HYCC2: variants seen among roughly 807,000 people sequenced by gnomAD.
The protein encoded by HYCC2 is hyccin PI4KA lipid kinase complex subunit 2.
At chr2:200,986,941 C>T in the HYCC2 span, among the ~76,000 whole-genome samples, 1 of 152,156 alleles carries the variant, frequency 6.6e-6, no homozygotes, top group Non-Finnish European at 1.5e-5. Flanking sequence ...AAACTCTCTT[C>T]ACAAAATTTT....
chr2:200,986,495 A>T, the HYCC2 span, among the ~76,000 whole-genome samples: 3 of 152,224 alleles, frequency 2.0e-5, no homozygotes, highest in Non-Finnish European at 4.4e-5. Context: ...CAAAGCTAAA[A>T]ATTCCTACGG....
chr2:201,042,607 C>A, the HYCC2 span, among the ~76,000 whole-genome samples: 1 of 151,522 alleles, frequency 6.6e-6, no homozygotes, highest in South Asian at 2.1e-4. Context: ...CGCCCAGCAG[C>A]CGCCCCGTCT....
At chr2:201,007,687 C>T in the HYCC2 span, among the ~76,000 whole-genome samples, 1 of 152,296 alleles carries the variant, frequency 6.6e-6, no homozygotes. Flanking sequence ...CCACATCTGA[C>T]TTTCTTAGGT....
chr2:201,061,869 G>A, the HYCC2 span, among the ~76,000 whole-genome samples: 1 of 152,084 alleles, frequency 6.6e-6, no homozygotes, highest in Admixed American at 6.6e-5. Flanking sequence ...ACTTTGGGAG[G>A]CCAAGGCAGG....
chr2:201,042,913 C>G, the HYCC2 span, among the ~76,000 whole-genome samples: 1 of 151,618 alleles, frequency 6.6e-6, no homozygotes, highest in Non-Finnish European at 1.5e-5. Flanking sequence ...TCTGCCCGGC[C>G]GCCACCCCGT....
At chr2:201,070,527 C>T in the HYCC2 span, among the ~76,000 whole-genome samples, 2 of 152,096 alleles carry the variant, frequency 1.3e-5, no homozygotes, top group African/African-American at 4.8e-5. Flanking sequence ...TGGCGCATGC[C>T]TGTAATCCCA....
the HYCC2 span, among the ~76,000 whole-genome samples, chr2:201,060,492 A>T: frequency 6.6e-6 from 1 of 152,196 alleles, no homozygotes; most frequent in African/African-American, 2.4e-5. Context: ...TCTGCCTAGA[A>T]CATAAATGTG....
At chr2:201,063,222 TA>T in the HYCC2 span, 2 of 1,602,960 alleles carry the variant, frequency 1.2e-6, no homozygotes, top group Non-Finnish European at 1.7e-6. Flanking sequence ...GACTGTGTGG[TA>T]ATGAGAGATC....
chr2:201,009,799 T>G, the HYCC2 span, among the ~76,000 whole-genome samples: 10 of 151,902 alleles, frequency 6.6e-5, no homozygotes, highest in Non-Finnish European at 1.3e-4. Flanking sequence ...AGTTCATGTT[T>G]CTAAAGTTAG....
chr2:200,997,735 C>T, the HYCC2 span, among the ~76,000 whole-genome samples: 1 of 152,098 alleles, frequency 6.6e-6, no homozygotes, highest in South Asian at 2.1e-4. Flanking sequence ...ATCTATATTT[C>T]CGTTTTTAAA....
At chr2:201,060,058 G>C in the HYCC2 span, among the ~76,000 whole-genome samples, 116 of 144,940 alleles carry the variant, frequency 8.0e-4, 2 homozygotes, top group Admixed American at 1.5e-3. Flanking sequence ...AAAAAGCGGG[G>C]GGGGGGGGGT....
At chr2:201,051,986 C>G in the HYCC2 span, among the ~76,000 whole-genome samples, 5 of 152,140 alleles carry the variant, frequency 3.3e-5, no homozygotes, top group Non-Finnish European at 7.4e-5. Flanking sequence ...GTGAATTTAC[C>G]TTCTTGCCTG....
chr2:201,007,289 C>T, the HYCC2 span, among the ~76,000 whole-genome samples: 4 of 152,180 alleles, frequency 2.6e-5, no homozygotes, highest in Non-Finnish European at 5.9e-5. Flanking sequence ...ATCTACCCTA[C>T]TGAACATCAT....
At chr2:201,033,914 A>G in the HYCC2 span, among the ~76,000 whole-genome samples, 1 of 152,056 alleles carries the variant, frequency 6.6e-6, no homozygotes, top group South Asian at 2.1e-4. Context: ...TGTCTGATAT[A>G]GGGTCCAGAA....
chr2:201,025,126 T>C, the HYCC2 span, among the ~76,000 whole-genome samples: 1 of 151,556 alleles, frequency 6.6e-6, no homozygotes, highest in African/African-American at 2.4e-5. Context: ...AATAAATAAA[T>C]AAATAAATGC....
chr2:200,978,182 G>A, the HYCC2 span: 2 of 152,224 alleles, frequency 1.3e-5, no homozygotes, highest in Admixed American at 6.5e-5. Flanking sequence ...CAAAAATAAT[G>A]CATGTTAAAA....
At chr2:200,997,549 A>T in the HYCC2 span, 1 of 1,556,184 alleles carries the variant, frequency 6.4e-7, no homozygotes, top group Non-Finnish European at 8.9e-7. Flanking sequence ...ACCTAAAAAC[A>T]ACAAATGCAA....
the HYCC2 span, among the ~76,000 whole-genome samples, chr2:201,031,965 T>A: frequency 6.6e-6 from 1 of 152,076 alleles, no homozygotes; most frequent in Admixed American, 6.6e-5. Context: ...TTTATTTTAT[T>A]TTATTTTATT....
the HYCC2 span, chr2:200,997,489 A>G: frequency 3.7e-6 from 6 of 1,613,636 alleles, no homozygotes; most frequent in African/African-American, 8.0e-5. Context: ...AGGCAGGCAT[A>G]TATACAATAG....
Sources: gnomAD v4.1 joint callset for allele counts (sites outside exome capture counted in the v4.1 genomes callset) on GRCh38, gnomAD v4.1.1 for gene constraint, MANE v1.5 for transcripts, NCBI Gene and HGNC (gene_info 2026-07-23, HGNC 2026-07-21) for gene names.